The following FARP1 variants were observed in gnomAD, a reference collection of about 807,000 sequenced individuals.
The protein encoded by FARP1 is FERM, ARHGEF and pleckstrin domain-containing protein 1.
In FARP1, 52 loss-of-function variants were observed where a neutral mutation model predicts 128.8. That is an observed-to-expected ratio of 0.40 (90% CI 0.32 to 0.51). The LOEUF (loss-of-function observed/expected upper bound fraction) is 0.51. Among genes scored for constraint, FARP1 ranks in the 20% least tolerant of loss-of-function variants. The probability of loss-of-function intolerance (pLI) is 0.45; values close to 1 mark genes in which losing one functional copy is unlikely to be tolerated. For missense variants in FARP1, 1,333 were observed against 1,367.9 expected, an observed-to-expected ratio of 0.97 and a Z score of 0.40; for synonymous variants, 580 against 551.8, an observed-to-expected ratio of 1.05 and a Z score of -0.72.
rs537647123 is a variant in FARP1, at chr13:98,351,456, C to T, written c.276+7590C>T. ...TGAAACCCCGTCTCTACTAAAAATA[C>T]GAAAAATTAGCTGGGCGTGGTGGCA... On this transcript the variant is annotated intron_variant, in intron 3 of 26. Transcript: ENST00000319562. 3.9e-5 allele frequency among the ~76,000 whole-genome samples: 6 copies of T among 151,906 alleles called. No individual in the cohort carries two copies. In the South Asian group the frequency reaches 8.3e-4, roughly 21 times the overall value.
chr13:98,385,882 T>C (rs1243400462), intron 8 of FARP1, 68 bp downstream of exon 8: 7 of 1,532,474 alleles, frequency 4.6e-6, no homozygotes, highest in Non-Finnish European at 6.3e-6. Flanking sequence ...CCTTCAACTC[T>C]GATTCATATT....
chr13:98,441,226 C>G (rs1004657921), intron 24 of FARP1, among the ~76,000 whole-genome samples: 3 of 152,336 alleles, frequency 2.0e-5, no homozygotes, highest in Admixed American at 6.5e-5. Flanking sequence ...CCACGGGAAT[C>G]TGGTGCATGG....
In FARP1 at chr13:98,309,153, C is replaced by CTTTTTTTTTTTTTTTTTTTTTTT. The variant is rs56030081; in HGVS notation, c.172-34601_172-34579dup. 8.9e-5 allele frequency among the ~76,000 whole-genome samples: 8 copies of CTTTTTTTTTTTTTTTTTTTTTTT among 89,670 alleles called. 2 individuals carry two copies. The highest frequency in any genetic ancestry group is 1.4e-4 in the Admixed American group (1 of 6,976). 58.8% of individuals were successfully genotyped at this position (89,670 alleles called of 152,430 possible). ...TATATTAATATTAATTTTAAGAGGC[C>CTTTTTTTTTTTTTTTTTTTTTTT]TTTTTTTTTTTTTTTTTTTTTTTTT... On this transcript the variant is annotated intron_variant, in intron 2 of 26. Coordinates refer to ENST00000319562, the MANE Select transcript of FARP1 (RefSeq NM_005766.4).
intron 3 of FARP1, among the ~76,000 whole-genome samples, chr13:98,363,807 T>C (rs1438585531): frequency 6.6e-6 from 1 of 152,154 alleles, no homozygotes; most frequent in Non-Finnish European, 1.5e-5. Context: ...AGTGGTGCGA[T>C]CTTGGCTCAC....
intron 3 of FARP1, among the ~76,000 whole-genome samples, chr13:98,364,645 G>C (rs1251109526): frequency 6.6e-6 from 1 of 152,148 alleles, no homozygotes; most frequent in South Asian, 2.1e-4. Flanking sequence ...AATTCAAGGG[G>C]GAGTTTAAAG....
chr13:98,406,832 C>G (rs1200412068), intron 13 of FARP1: 1 of 152,428 alleles, frequency 6.6e-6, no homozygotes, highest in African/African-American at 2.4e-5. Flanking sequence ...TTTCTTCCAA[C>G]TGCTCTGTCC....
intron 2 of FARP1, chr13:98,338,880 G>A (rs977971363): frequency 2.6e-5 from 4 of 152,148 alleles, no homozygotes; most frequent in Non-Finnish European, 5.9e-5. Flanking sequence ...AGGAACAAAA[G>A]GAAGAATCAT....
At chr13:98,271,443 T>C (rs531661520) in intron 2 of FARP1, among the ~76,000 whole-genome samples, 1 of 152,248 alleles carries the variant, frequency 6.6e-6, no homozygotes, top group East Asian at 1.9e-4. Flanking sequence ...GTGTAGAACG[T>C]GCAGGTTTGT....
intron 2 of FARP1, among the ~76,000 whole-genome samples, chr13:98,227,393 A>G (rs1363592950): frequency 6.6e-6 from 1 of 152,080 alleles, no homozygotes; most frequent in Non-Finnish European, 1.5e-5. Flanking sequence ...ATCATTTAAG[A>G]AATGCAAATC....
At chr13:98,443,030 G>A (rs770652449) in intron 24 of FARP1, among the ~76,000 whole-genome samples, 5 of 152,228 alleles carry the variant, frequency 3.3e-5, no homozygotes, top group East Asian at 3.9e-4. Flanking sequence ...CTACACGGTC[G>A]CAGCCTTCCG....
chr13:98,328,226 T>G (rs1338826689), intron 2 of FARP1: 3 of 152,126 alleles, frequency 2.0e-5, no homozygotes, highest in African/African-American at 7.2e-5. Flanking sequence ...TGTTCAGCCC[T>G]TAGGGAAGAA....
At chr13:98,153,558 T>TA (rs1555322412) in intron 1 of FARP1, among the ~76,000 whole-genome samples, 16 of 116,444 alleles carry the variant, frequency 1.4e-4, no homozygotes, top group Non-Finnish European at 2.1e-4. Flanking sequence ...AAATATATAT[T>TA]TATATATATT....
intron 4 of FARP1, among the ~76,000 whole-genome samples, chr13:98,367,069 A>C (rs765471644): frequency 4.3e-4 from 66 of 152,166 alleles, no homozygotes; most frequent in Admixed American, 2.5e-3. Flanking sequence ...CAAAGGGCAG[A>C]CCTTTTAAGA....
chr13:98,210,158 G>A (rs1880590050), intron 1 of FARP1, among the ~76,000 whole-genome samples: 1 of 151,996 alleles, frequency 6.6e-6, no homozygotes, highest in African/African-American at 2.4e-5. Flanking sequence ...TTTCTCAAAT[G>A]TGAGTGAGAC....
intron 23 of FARP1, 137 bp downstream of exon 23, chr13:98,440,372 A>G: frequency 5.7e-6 from 4 of 700,746 alleles, no homozygotes; most frequent in Non-Finnish European, 9.8e-6. Flanking sequence ...AGATCAAGAC[A>G]GTTCTTTTTC....
At chr13:98,146,447 T>C (rs780395817) in intron 1 of FARP1, among the ~76,000 whole-genome samples, 1 of 152,206 alleles carries the variant, frequency 6.6e-6, no homozygotes, top group African/African-American at 2.4e-5. Flanking sequence ...AGGCTGGTCT[T>C]GAACTCCTGA....
At chr13:98,238,659 G>A (rs1397085256) in intron 2 of FARP1, among the ~76,000 whole-genome samples, 4 of 152,134 alleles carry the variant, frequency 2.6e-5, no homozygotes, top group Non-Finnish European at 5.9e-5. Context: ...CTTATTCACT[G>A]TCATGAGAAC....
At chr13:98,226,326 C>T (rs573679887) in intron 2 of FARP1, among the ~76,000 whole-genome samples, 6 of 152,136 alleles carry the variant, frequency 3.9e-5, no homozygotes, top group East Asian at 1.9e-4. Context: ...TTTCTTGCTG[C>T]GCAAGTGTTT....
intron 2 of FARP1, among the ~76,000 whole-genome samples, chr13:98,263,623 A>G (rs1412994490): frequency 6.6e-6 from 1 of 152,240 alleles, no homozygotes; most frequent in Non-Finnish European, 1.5e-5. Context: ...TCAATTAGCA[A>G]TTGCTCTTTG....
Sources: gnomAD v4.1 joint callset for allele counts (sites outside exome capture counted in the v4.1 genomes callset) on GRCh38, gnomAD v4.1.1 for gene constraint, MANE v1.5 for transcripts, NCBI Gene and HGNC (gene_info 2026-07-23, HGNC 2026-07-21) for gene names.